Variants in TNKS observed in about 807,000 individuals in gnomAD.
TNKS encodes the protein tankyrase.
A neutral mutation model predicts 135.8 loss-of-function variants in TNKS; 72 were observed. The observed-to-expected ratio is 0.53, with a 90% CI of 0.44 to 0.64. The LOEUF (loss-of-function observed/expected upper bound fraction) is 0.64. Among genes scored for constraint, TNKS ranks in the 30% least tolerant of loss-of-function variants. The pLI is 0.00. For synonymous variants in TNKS, 849 were observed against 649.3 expected (o/e 1.31, Z -4.68); for missense variants, 1,769 against 1,674.0 (o/e 1.06, Z -0.99).
Position 9,580,255 on chromosome 8 carries a change from G to C in TNKS, c.770G>C (p.Cys257Ser). The C allele has an allele frequency of 6.2e-7, 1 of 1,614,154 alleles. No homozygotes were observed. The highest frequency in any genetic ancestry group is 1.3e-5 in the African/African-American group (1 of 75,022). ...GGTCTCATCCCGCTTCATAATGCCT[G>C]TTCTTTTGGCCATGCTGAGGTTGTG... ...DGGLIPLHNA[C>S]SFGHAEVVSL... Residue 257 changes from cysteine to serine, a missense_variant, in exon 2 of 27, where the codon TGT becomes TCT. Cys to Ser is a moderately radical substitution (Grantham distance 112). Transcript: ENST00000310430.
At chr8:9,741,179 C>T (rs534601343) in intron 17 of TNKS, 2 of 152,438 alleles carry the variant, frequency 1.3e-5, no homozygotes, top group Non-Finnish European at 2.9e-5. Flanking sequence ...ATTTTCAGCA[C>T]TTCTTAGCAT....
rs188362550 is a variant in TNKS, at chr8:9,578,544, G to C, written c.674-1615G>C. ...CTTTGTAATACATATCTGTGGAAAT[G>C]TATGCTTTACTTTGGAGACTTTTTC... On this transcript the variant is annotated intron_variant, in intron 1 of 26. Transcript: ENST00000310430. Among the ~76,000 whole-genome samples, 13 of 152,292 alleles carry C rather than the reference G, an allele frequency of 8.5e-5. No homozygotes were observed. The East Asian group carries it at 2.1e-3, about 25-fold the overall frequency.
At chr8:9,602,008 G>A (rs1343642064) in intron 2 of TNKS, among the ~76,000 whole-genome samples, 1 of 152,118 alleles carries the variant, frequency 6.6e-6, no homozygotes, top group Non-Finnish European at 1.5e-5. Flanking sequence ...ACGTTCTCAA[G>A]CAGGGACAGT....
At chr8:9,588,445 T>A (rs1420727263) in intron 2 of TNKS, among the ~76,000 whole-genome samples, 5 of 152,090 alleles carry the variant, frequency 3.3e-5, no homozygotes, top group Non-Finnish European at 7.4e-5. Flanking sequence ...CAGCTAATTT[T>A]TTATGTATTT....
At chr8:9,628,857 A>G (rs1800171851) in intron 3 of TNKS, among the ~76,000 whole-genome samples, 1 of 151,936 alleles carries the variant, frequency 6.6e-6, no homozygotes, top group South Asian at 2.1e-4. Context: ...ATCCAACCCT[A>G]TTGCCATGCC....
intron 18 of TNKS, among the ~76,000 whole-genome samples, chr8:9,749,167 C>T (rs899597032): frequency 1.3e-5 from 2 of 152,218 alleles, no homozygotes; most frequent in Admixed American, 6.5e-5. Flanking sequence ...AAAACAGATT[C>T]CACCTTCTTT....
At chr8:9,598,851 A>G (rs1488703596) in intron 2 of TNKS, among the ~76,000 whole-genome samples, 2 of 142,188 alleles carry the variant, frequency 1.4e-5, no homozygotes, top group Non-Finnish European at 3.0e-5. Flanking sequence ...TACACACATA[A>G]GAAATTTATC....
chr8:9,646,974 G>A (rs1457943814), intron 3 of TNKS, among the ~76,000 whole-genome samples: 2 of 152,088 alleles, frequency 1.3e-5, no homozygotes. Flanking sequence ...AGTAGATGAT[G>A]GCAGAGAGGT....
chr8:9,710,320 T>G, intron 11 of TNKS, 100 bp downstream of exon 11: 1 of 1,086,672 alleles, frequency 9.2e-7, no homozygotes, highest in East Asian at 2.5e-5. Flanking sequence ...GAAACTAATT[T>G]TATAAAGGAC....
At chr8:9,754,822 C>T (rs1806751311) in intron 20 of TNKS, among the ~76,000 whole-genome samples, 2 of 152,246 alleles carry the variant, frequency 1.3e-5, no homozygotes, top group African/African-American at 4.8e-5. Flanking sequence ...AGACTGCTGT[C>T]TATAAAATCA....
chr8:9,766,097 A>G (rs902868579), intron 24 of TNKS, 142 bp from the exon 25 acceptor site: 2 of 744,340 alleles, frequency 2.7e-6, no homozygotes, highest in African/African-American at 1.8e-5. Context: ...ATTATTATGT[A>G]TAATAGACCT....
intron 3 of TNKS, chr8:9,671,165 G>T (rs572098128): frequency 6.6e-6 from 1 of 151,928 alleles, no homozygotes; most frequent in South Asian, 2.1e-4. Flanking sequence ...GAATTTTTCA[G>T]ATTTCAAAAA....
At chr8:9,567,600 G>T (rs1287169801) in intron 1 of TNKS, among the ~76,000 whole-genome samples, 1 of 152,130 alleles carries the variant, frequency 6.6e-6, no homozygotes, top group African/African-American at 2.4e-5. Context: ...TGTATTTTTA[G>T]TAGAGACGGG....
At chr8:9,600,576 ATGGTAG>A (rs1189409736) in intron 2 of TNKS, among the ~76,000 whole-genome samples, 21 of 152,078 alleles carry the variant, frequency 1.4e-4, no homozygotes, top group African/African-American at 5.1e-4. Flanking sequence ...GCCTCCCAAA[ATGGTAG>A]GATTTCAGAG....
chr8:9,753,789 C>A (rs1055171912), intron 20 of TNKS, among the ~76,000 whole-genome samples: 1 of 152,172 alleles, frequency 6.6e-6, no homozygotes, highest in Non-Finnish European at 1.5e-5. Flanking sequence ...ATGCTTGTAA[C>A]TTAAAGTGTG....
intron 3 of TNKS, among the ~76,000 whole-genome samples, chr8:9,658,610 G>A (rs1801538323): frequency 6.6e-6 from 1 of 152,194 alleles, no homozygotes; most frequent in African/African-American, 2.4e-5. Flanking sequence ...GGAACAACCG[G>A]TAACAGCCAC....
At chr8:9,676,329 C>A (rs1802533132) in intron 3 of TNKS, among the ~76,000 whole-genome samples, 1 of 152,000 alleles carries the variant, frequency 6.6e-6, no homozygotes, top group Non-Finnish European at 1.5e-5. Context: ...TCTTTTTTAG[C>A]CTCTCATTGC....
At chr8:9,704,872 A>T (rs1803978051) in intron 6 of TNKS, 115 bp downstream of exon 6, 5 of 666,472 alleles carry the variant, frequency 7.5e-6, no homozygotes, top group Non-Finnish European at 1.2e-5. Context: ...ATAACGTTTT[A>T]AGAATGTTCA....
At chr8:9,744,226 A>G (rs964026268) in intron 17 of TNKS, among the ~76,000 whole-genome samples, 1 of 152,186 alleles carries the variant, frequency 6.6e-6, no homozygotes, top group Non-Finnish European at 1.5e-5. Flanking sequence ...TTATATTTGA[A>G]TACATGTTTA....
Sources: allele counts gnomAD v4.1 joint callset (sites outside exome capture counted in the v4.1 genomes callset), GRCh38; gene constraint gnomAD v4.1.1; transcripts MANE v1.5; gene names NCBI Gene and HGNC (gene_info 2026-07-23, HGNC 2026-07-21).